The following KLHL15 variants were observed in gnomAD, a reference collection of about 807,000 sequenced individuals.
The protein encoded by KLHL15 is kelch like family member 15.
In KLHL15, 1 loss-of-function variant was observed where a neutral mutation model predicts 29.3. That is an observed-to-expected ratio of 0.03 (90% CI 0.01 to 0.16). KLHL15 has a LOEUF of 0.16. Ranked by LOEUF, KLHL15 falls within the 10% of genes least tolerant of loss-of-function variation. The pLI is 1.00. For missense variants in KLHL15, 215 were observed against 478.5 expected (o/e 0.45, Z 5.14); for synonymous variants, 212 against 184.5 (o/e 1.15, Z -1.21).
At position 23,985,549 on chromosome X, in the gene KLHL15, C is replaced by T. The variant is rs1006861499; in HGVS notation, c.*2372G>A. On this transcript the variant is annotated 3_prime_UTR_variant, in exon 4 of 4. Transcript: ENST00000328046. Reference sequence around the variant, plus strand: ...AACTGATTACAGCTAACATCAGGTCCGACGTGACTTACGTAAAGCTGAACC... The same window carrying T: ...AACTGATTACAGCTAACATCAGGTCTGACGTGACTTACGTAAAGCTGAACC... 2.7e-5 allele frequency: 3 copies of T among 112,236 alleles called. No homozygotes were observed. Among genetic ancestry groups the T allele is most frequent in the Non-Finnish European group, 1.9e-5 (1 of 53,209 alleles). The allele number at this position is 112,236 out of a possible 1,213,427, so 9.2% of individuals were successfully genotyped here.
At chrX:24,009,705 A>AG (rs1929534873) in intron 2 of KLHL15, among the ~76,000 whole-genome samples, 1 of 102,303 alleles carries the variant, frequency 9.8e-6, no homozygotes, top group Non-Finnish European at 2.0e-5. Flanking sequence ...AAAAAAAAAA[A>AG]AAAGCCGGGC....
Position 23,992,993 on chromosome X carries a change from T to C in KLHL15, c.706-3963A>G, listed in dbSNP as rs1425856797. ...AGCCCACCCCCATCCCATAGGGTGGTTAATGTAATATTAACAAATAACAAA... is the reference window on the plus strand; with the variant it reads ...AGCCCACCCCCATCCCATAGGGTGGCTAATGTAATATTAACAAATAACAAA... On this transcript the variant is annotated intron_variant, in intron 3 of 3. Transcript: ENST00000328046. Among the ~76,000 whole-genome samples the C allele has an allele frequency of 3.6e-5, 4 of 111,620 alleles. No individual in the cohort carries two copies. The East Asian group carries it at 1.1e-3, about 31-fold the overall frequency.
chrX:23,994,430 C>T (rs777858922), intron 3 of KLHL15, among the ~76,000 whole-genome samples: 9 of 112,502 alleles, frequency 8.0e-5, no homozygotes, highest in Non-Finnish European at 1.3e-4. Flanking sequence ...TGGTTGGATA[C>T]ACTCTGGTAT....
intron 2 of KLHL15, among the ~76,000 whole-genome samples, chrX:24,015,953 C>T (rs991303526): frequency 1.9e-5 from 2 of 107,168 alleles, no homozygotes; most frequent in Non-Finnish European, 3.9e-5. Context: ...AAGCCGAGAT[C>T]GGGCCGCTGC....
intron 2 of KLHL15, among the ~76,000 whole-genome samples, chrX:24,014,989 G>C (rs1264945196): frequency 1.8e-5 from 2 of 112,168 alleles, no homozygotes; most frequent in African/African-American, 6.5e-5. Flanking sequence ...AAAGAATAAA[G>C]CCAAAAGGAG....
In KLHL15 at chrX:23,984,706, TGCA is replaced by T. The variant is rs1288478253; in HGVS notation, c.*3212_*3214del. ...CTGAACGTTTGACATGTTTAGATTA[TGCA>T]GCTCAAATAATCTGTTATAAAATAT... On this transcript the variant is annotated 3_prime_UTR_variant, in exon 4 of 4. Coordinates refer to ENST00000328046, the MANE Select transcript of KLHL15 (RefSeq NM_030624.3). 1 of 112,637 alleles carries T rather than the reference TGCA, an allele frequency of 8.9e-6. No homozygotes were observed. The highest frequency in any genetic ancestry group is 3.2e-5 in the African/African-American group (1 of 31,066). 9.3% of individuals were successfully genotyped at this position (112,637 alleles called of 1,213,427 possible). A position where few individuals can be genotyped will look rare whatever the true frequency, so the allele number is the denominator to read the frequency against.
chrX:24,017,125 T>C (rs371837503), intron 2 of KLHL15, among the ~76,000 whole-genome samples: 2 of 107,809 alleles, frequency 1.9e-5, no homozygotes, highest in African/African-American at 6.8e-5. Flanking sequence ...GGCAGGAAGA[T>C]TGCTTGAGCC....
chrX:24,021,076 C>T (rs1929794177), intron 2 of KLHL15, among the ~76,000 whole-genome samples: 1 of 111,920 alleles, frequency 8.9e-6, no homozygotes, highest in Non-Finnish European at 1.9e-5. Flanking sequence ...TTTGTCTTTC[C>T]TAATTTCTTA....
intron 3 of KLHL15, among the ~76,000 whole-genome samples, chrX:23,997,436 T>C (rs1180054959): frequency 9.1e-6 from 1 of 110,199 alleles, no homozygotes; most frequent in Admixed American, 9.7e-5. Context: ...AAACCTCGTC[T>C]CTAAAAAAAT....
rs1929008144 is a variant in KLHL15, at chrX:23,987,551, GAT to G, written c.*368_*369del. 7.5e-6 allele frequency: 1 copy of G among 132,974 alleles called. No individual in the cohort carries two copies. Among genetic ancestry groups the G allele is most frequent in the African/African-American group, 3.1e-5 (1 of 31,823 alleles). 11.0% of individuals were successfully genotyped at this position (132,974 alleles called of 1,213,427 possible). On this transcript the variant is annotated 3_prime_UTR_variant, in exon 4 of 4. Transcript: ENST00000328046. ...GAAATAAATCTTCAAAAAGGTTTCA[GAT>G]AGAGACAGAGACTGAAATCACATCC...
rs962450910 is a variant in KLHL15 at position 23,985,552 on chromosome X, C to T, written c.*2369G>A. The T allele has an allele frequency of 8.9e-6, 1 of 112,341 alleles. No individual in the cohort carries two copies. The highest frequency in any genetic ancestry group is 1.9e-5 in the Non-Finnish European group (1 of 53,237). 9.3% of individuals were successfully genotyped at this position (112,341 alleles called of 1,213,427 possible). ...TGATTACAGCTAACATCAGGTCCGA[C>T]GTGACTTACGTAAAGCTGAACCCAG... On this transcript the variant is annotated 3_prime_UTR_variant, in exon 4 of 4. Coordinates refer to ENST00000328046, the MANE Select transcript of KLHL15 (RefSeq NM_030624.3).
rs1929001471 is a variant in KLHL15, at chrX:23,987,156, G to A, written c.*765C>T. ...GGACTGAAGATAGGCTACTTTGATA[G>A]CAAATGAGGACTCCAGTTATTTCAA... On this transcript the variant is annotated 3_prime_UTR_variant, in exon 4 of 4. Coordinates refer to ENST00000328046, the MANE Select transcript of KLHL15 (RefSeq NM_030624.3). 8.9e-6 allele frequency: 1 copy of A among 112,189 alleles called. No individual in the cohort carries two copies. The highest frequency in any genetic ancestry group is 1.9e-5 in the Non-Finnish European group (1 of 53,226). The allele number at this position is 112,189 out of a possible 1,213,427, so 9.2% of individuals were successfully genotyped here.
At position 23,985,043 on chromosome X, in the gene KLHL15, G is replaced by C. The variant is rs778476592; in HGVS notation, c.*2878C>G. 8.9e-6 allele frequency: 1 copy of C among 112,122 alleles called. No homozygotes were observed. The highest frequency in any genetic ancestry group is 2.8e-4 in the East Asian group (1 of 3,607). 9.2% of individuals were successfully genotyped at this position (112,122 alleles called of 1,213,427 possible). ...ACAAAACCTTCAAAGTGAGAATCTT[G>C]CATTTTAAGAAAAGGCTGTAGTGCA... On this transcript the variant is annotated 3_prime_UTR_variant, in exon 4 of 4. Coordinates refer to ENST00000328046, the MANE Select transcript of KLHL15 (RefSeq NM_030624.3).
intron 3 of KLHL15, among the ~76,000 whole-genome samples, chrX:23,990,544 GGGTGAAAGA>G (rs1929061428): frequency 1.8e-5 from 2 of 111,917 alleles, no homozygotes; most frequent in African/African-American, 6.5e-5. Context: ...ATTTGAAATA[GGGTGAAAGA>G]ATGAGGACTC....
At chrX:24,000,459 T>C (rs1163238483) in intron 3 of KLHL15, among the ~76,000 whole-genome samples, 3 of 107,319 alleles carry the variant, frequency 2.8e-5, no homozygotes, top group Non-Finnish European at 3.8e-5. Context: ...TGAGACTCCA[T>C]CTCAAAATAA....
chrX:24,015,532 T>C (rs1020345121), intron 2 of KLHL15, among the ~76,000 whole-genome samples: 1 of 112,378 alleles, frequency 8.9e-6, no homozygotes, highest in African/African-American at 3.2e-5. Flanking sequence ...GTGTATTAAG[T>C]AGAAAACAGT....
intron 3 of KLHL15, among the ~76,000 whole-genome samples, chrX:24,000,122 C>T (rs1929283600): frequency 9.0e-6 from 1 of 111,730 alleles, no homozygotes; most frequent in African/African-American, 3.3e-5. Context: ...AGAACTTTTT[C>T]AAAAACAACT....
chrX:24,013,681 G>A (rs1262017012), intron 2 of KLHL15, among the ~76,000 whole-genome samples: 2 of 110,865 alleles, frequency 1.8e-5, no homozygotes, highest in Non-Finnish European at 3.8e-5. Flanking sequence ...TTCTAAGAAG[G>A]CTATCAACAT....
intron 2 of KLHL15, among the ~76,000 whole-genome samples, chrX:24,021,601 T>C (rs1380372627): frequency 8.9e-6 from 1 of 112,334 alleles, no homozygotes; most frequent in Non-Finnish European, 1.9e-5. Context: ...TTAATAAATA[T>C]TTGTTGGAAA....
Sources: gnomAD v4.1 joint callset for allele counts (sites outside exome capture counted in the v4.1 genomes callset) on GRCh38, gnomAD v4.1.1 for gene constraint, MANE v1.5 for transcripts, NCBI Gene and HGNC (gene_info 2026-07-23, HGNC 2026-07-21) for gene names.